The following ZNF83 variants were observed in gnomAD, a reference collection of about 807,000 sequenced individuals.
ZNF83 encodes the protein zinc finger protein 83, also known as zinc finger protein 816B.
For missense variants in ZNF83, 552 were observed against 629.9 expected, an observed-to-expected ratio of 0.88 and a Z score of 1.32; for synonymous variants, 209 against 213.0, an observed-to-expected ratio of 0.98 and a Z score of 0.17.
upstream of ZNF83, among the ~76,000 whole-genome samples, chr19:52,640,418 G>A (rs1450199202): frequency 2.6e-5 from 4 of 152,178 alleles, no homozygotes; most frequent in Non-Finnish European, 2.9e-5. Flanking sequence ...GATTGGTTAT[G>A]GATTGATACA....
At chr19:52,640,018 G>T (rs1257847500), upstream of ZNF83, among the ~76,000 whole-genome samples, 1 of 152,246 alleles carries the variant, frequency 6.6e-6, no homozygotes, top group African/African-American at 2.4e-5. Context: ...GTCACACATA[G>T]TTCATCCTGG....
intron 3 of ZNF83, among the ~76,000 whole-genome samples, chr19:52,647,165 G>A (rs531724209): frequency 6.6e-6 from 1 of 152,220 alleles, no homozygotes; most frequent in African/African-American, 2.4e-5. Flanking sequence ...CCTGCAAAAA[G>A]GGAAGAGAGT....
At chr19:52,617,294 C>G (rs1317032037) in intron 2 of ZNF83, 1 of 152,218 alleles carries the variant, frequency 6.6e-6, no homozygotes, top group Non-Finnish European at 1.5e-5. Flanking sequence ...CACCATCGTA[C>G]AGAGCAGACA....
chr19:52,651,356 G>T (rs1040095001), intron 3 of ZNF83: 1 of 152,190 alleles, frequency 6.6e-6, no homozygotes, highest in Admixed American at 6.5e-5. Flanking sequence ...TTACCCCAAG[G>T]ATTTACAGAT....
intron 3 of ZNF83, chr19:52,653,041 T>C: frequency 6.8e-7 from 1 of 1,478,186 alleles, no homozygotes; most frequent in Non-Finnish European, 9.4e-7. Context: ...ATTAAAAACC[T>C]TGCCACATTC....
intron 1 of ZNF83, among the ~76,000 whole-genome samples, chr19:52,677,786 C>G (rs563686774): frequency 5.3e-5 from 8 of 152,160 alleles, no homozygotes; most frequent in African/African-American, 1.4e-4. Flanking sequence ...GTAGTCCCAA[C>G]ACTTTGGGAA....
chr19:52,631,026 A>G (rs368420745), intron 2 of ZNF83, among the ~76,000 whole-genome samples: 3,156 of 147,280 alleles, frequency 0.021, 95 homozygotes, highest in African/African-American at 0.06. Context: ...GATCTCACAC[A>G]TGCTTTCTTT....
At chr19:52,664,725 T>G in intron 1 of ZNF83, among the ~76,000 whole-genome samples, 1 of 9,650 alleles carries the variant, frequency 1.0e-4, no homozygotes, top group African/African-American at 4.8e-4. Context: ...GAGGCCAGGG[T>G]GGGGCATGAA....
intron 1 of ZNF83, among the ~76,000 whole-genome samples, chr19:52,679,383 G>T (rs1354447544): frequency 1.3e-5 from 2 of 152,178 alleles, no homozygotes; most frequent in Admixed American, 6.5e-5. Context: ...AGCCAAGGTG[G>T]GTGGGTCACC....
chr19:52,649,503 A>T (rs1445853616), intron 3 of ZNF83, among the ~76,000 whole-genome samples: 1 of 152,172 alleles, frequency 6.6e-6, no homozygotes, highest in Non-Finnish European at 1.5e-5. Flanking sequence ...CCGACCCAAG[A>T]TCCTCAATGG....
intron 1 of ZNF83, among the ~76,000 whole-genome samples, chr19:52,661,676 C>T (rs1235869955): frequency 6.6e-6 from 1 of 152,134 alleles, no homozygotes; most frequent in African/African-American, 2.4e-5. Context: ...TGAGCACAGC[C>T]CCACCTTCTG....
intron 2 of ZNF83, chr19:52,618,746 T>C (rs2060415803): frequency 5.5e-6 from 6 of 1,094,506 alleles, no homozygotes; most frequent in South Asian, 5.1e-5. Context: ...CACTGAGCTA[T>C]CATGAAGAAC....
In ZNF83 at chr19:52,614,747, T is replaced by C. The variant is rs191141680; in HGVS notation, c.-183A>G. On this transcript the variant is annotated 5_prime_UTR_variant, in exon 3 of 3. Transcript: ENST00000301096. ...ACTGTCTGGAATATTTCTCCTGTATTACTCTCCTTTTTTGGTGGTAATTCC... is the reference window on the plus strand; with the variant it reads ...ACTGTCTGGAATATTTCTCCTGTATCACTCTCCTTTTTTGGTGGTAATTCC... The C allele has an allele frequency of 2.6e-4, 344 of 1,302,884 alleles. 1 individual carries two copies. The African/African-American group carries it at 4.6e-3, about 17-fold the overall frequency. 80.7% of individuals were successfully genotyped at this position (1,302,884 alleles called of 1,614,324 possible).
At chr19:52,666,262 A>T (rs1301109719) in intron 1 of ZNF83, among the ~76,000 whole-genome samples, 1 of 152,020 alleles carries the variant, frequency 6.6e-6, no homozygotes, top group African/African-American at 2.4e-5. Context: ...AAAGAGACAG[A>T]GAGTCAGAAA....
chr19:52,662,826 G>A (rs1445969367), intron 1 of ZNF83, among the ~76,000 whole-genome samples: 2 of 151,990 alleles, frequency 1.3e-5, no homozygotes, highest in African/African-American at 4.8e-5. Flanking sequence ...CCTATGTGAT[G>A]GACTGGAAGG....
intron 3 of ZNF83, among the ~76,000 whole-genome samples, chr19:52,646,981 G>A (rs1335742729): frequency 1.3e-5 from 2 of 152,166 alleles, no homozygotes; most frequent in African/African-American, 4.8e-5. Context: ...TATAAGCCCA[G>A]CTCTGTCTTT....
intron 1 of ZNF83, among the ~76,000 whole-genome samples, chr19:52,688,011 C>T (rs2062076640): frequency 2.0e-5 from 3 of 151,970 alleles, no homozygotes; most frequent in African/African-American, 7.2e-5. Flanking sequence ...CCAAGATTTA[C>T]AGAATGTACA....
intron 2 of ZNF83, among the ~76,000 whole-genome samples, chr19:52,622,376 C>A (rs1480386107): frequency 1.3e-5 from 2 of 152,116 alleles, no homozygotes; most frequent in African/African-American, 4.8e-5. Flanking sequence ...CCTGGAGTGA[C>A]TTAAATGTCA....
intron 1 of ZNF83, among the ~76,000 whole-genome samples, chr19:52,677,150 A>T (rs537762385): frequency 4.5e-4 from 68 of 151,798 alleles, no homozygotes; most frequent in African/African-American, 1.5e-3. Context: ...AAAAGAAAAA[A>T]AAATAAAGGA....
Sources: gnomAD v4.1 joint callset for allele counts (sites outside exome capture counted in the v4.1 genomes callset) on GRCh38, gnomAD v4.1.1 for gene constraint, MANE v1.5 for transcripts, NCBI Gene and HGNC (gene_info 2026-07-23, HGNC 2026-07-21) for gene names.